Variants in MRPL27 observed in about 807,000 individuals in gnomAD.
MRPL27 encodes large ribosomal subunit protein bL27m.
In MRPL27, 4 loss-of-function variants were observed where a neutral mutation model predicts 14.6. The ratio of observed to expected loss-of-function variants is 0.27; its 90% CI spans 0.14 to 0.63. The LOEUF (loss-of-function observed/expected upper bound fraction) is 0.63. Ranked by LOEUF, MRPL27 falls within the 20% of genes least tolerant of loss-of-function variation. MRPL27 has a pLI of 0.85. For missense variants in MRPL27, 196 were observed against 192.8 expected, an observed-to-expected ratio of 1.02 and a Z score of -0.10; for synonymous variants, 82 against 75.5, an observed-to-expected ratio of 1.09 and a Z score of -0.45.
intron 3 of MRPL27, chr17:50,369,230 G>A (rs1913053332): frequency 4.5e-6 from 1 of 223,386 alleles, no homozygotes; most frequent in Non-Finnish European, 8.7e-6. Flanking sequence ...AAATGTGTTA[G>A]CTTTGATTAT....
intron 3 of MRPL27, chr17:50,369,546 C>T (rs7212696): frequency 0.058 from 11,997 of 205,370 alleles, 1,152 homozygotes; most frequent in African/African-American, 0.22. Context: ...ATGAACCTAA[C>T]TCCTGGCACA....
chr17:50,368,217 G>A lies in MRPL27; in HGVS notation c.322C>T (p.Pro108Ser), dbSNP rs1913018613. ...RYTKEVYVPH[P>S]RNTEAVDLIT... ...AGATCCACAGCCTCCGTGTTTCTGGGATGAGGCACGTAGACCTCCTTAGTG... is the reference window on the plus strand; with the variant it reads ...AGATCCACAGCCTCCGTGTTTCTGGAATGAGGCACGTAGACCTCCTTAGTG... The change falls in exon 4 of 4, where the codon CCC becomes TCC. Residue 108 changes from proline to serine, a missense_variant. By Grantham distance (74) the Pro-to-Ser change is moderately conservative. Coordinates refer to ENST00000225969, the MANE Select transcript of MRPL27 (RefSeq NM_016504.3). 6.2e-7 allele frequency: 1 copy of A among 1,614,080 alleles called. No individual in the cohort carries two copies. The highest frequency in any genetic ancestry group is 8.5e-7 in the Non-Finnish European group (1 of 1,180,050).
intron 3 of MRPL27, 55 bp from the exon 4 acceptor site, chr17:50,368,353 C>A: frequency 6.4e-7 from 1 of 1,573,580 alleles, no homozygotes; most frequent in Admixed American, 1.8e-5. Flanking sequence ...TGGTCCGTCC[C>A]AGAATTTTGG....
At position 50,370,051 on chromosome 17, in the gene MRPL27, C is replaced by T. The variant is rs763878672; in HGVS notation, c.221G>A (p.Arg74His). 8.1e-6 allele frequency: 13 copies of T among 1,613,508 alleles called. No individual in the cohort carries two copies. The highest frequency in any genetic ancestry group is 5.0e-5 in the Admixed American group (3 of 59,864). The change falls in exon 3 of 4, where the codon CGC (arginine) becomes CAC (histidine). Residue 74 changes from arginine to histidine, a missense_variant. Coordinates refer to ENST00000225969, the MANE Select transcript of MRPL27 (RefSeq NM_016504.3). Reference sequence around the variant, plus strand: ...ACTCACATGGGCACCTGGGTGCCAGCGGAAATGGCGCTGTGTTGCAATGAT... The same window carrying T: ...ACTCACATGGGCACCTGGGTGCCAGTGGAAATGGCGCTGTGTTGCAATGAT... ...GNIIATQRHF[R>H]WHPGAHVGVG...
At position 50,370,461 on chromosome 17, in the gene MRPL27, T is replaced by C; in HGVS notation, c.166A>G (p.Met56Val). 6.2e-7 allele frequency: 1 copy of C among 1,614,174 alleles called. No homozygotes were observed. The highest frequency in any genetic ancestry group is 8.5e-7 in the Non-Finnish European group (1 of 1,180,014). ...AGCCAAGGCACATCCTCACCTTCCA[T>C]TTTCTTAATGCCTTGGCGTCTGCCT... ...SSGRRQGIKK[M>V]EGHYVHAGNI... Residue 56 changes from methionine (M) to valine (V), a missense_variant, in exon 2 of 4, where the codon ATG becomes GTG. Physicochemically the swap from Met to Val is conservative, Grantham distance 21. Coordinates refer to ENST00000225969, the MANE Select transcript of MRPL27 (RefSeq NM_016504.3).
At chr17:50,372,701 G>A (rs190665343) in intron 1 of MRPL27, among the ~76,000 whole-genome samples, 1 of 152,308 alleles carries the variant, frequency 6.6e-6, no homozygotes, top group Non-Finnish European at 1.5e-5. Context: ...ATGCACCAGA[G>A]AGAACCGTTC....
intron 1 of MRPL27, chr17:50,372,753 C>G (rs536905207): frequency 3.8e-6 from 1 of 263,002 alleles, no homozygotes; most frequent in African/African-American, 2.2e-5. Flanking sequence ...GCTGATTTTC[C>G]GAACACCTAC....
At chr17:50,370,804 A>G in intron 1 of MRPL27, 1 of 520,954 alleles carries the variant, frequency 1.9e-6, no homozygotes. Context: ...ACACAAATGG[A>G]AAAAAATAAA....
chr17:50,368,475 T>C (rs1253992234), intron 3 of MRPL27, 177 bp from the exon 4 acceptor site: 5 of 647,544 alleles, frequency 7.7e-6, no homozygotes, highest in Non-Finnish European at 1.3e-5. Context: ...GCTTCTTTAT[T>C]GACTCATAAC....
chr17:50,368,034 G>C lies in MRPL27; in HGVS notation c.*58C>G. ...TCGCCACCCCAACCCTTGACTTCTGGTATCACCATCTCCTGTCACCTGGGC... is the reference window on the plus strand; with the variant it reads ...TCGCCACCCCAACCCTTGACTTCTGCTATCACCATCTCCTGTCACCTGGGC... On this transcript the variant is annotated 3_prime_UTR_variant, in exon 4 of 4. Coordinates refer to ENST00000225969, the MANE Select transcript of MRPL27 (RefSeq NM_016504.3). 6.3e-7 allele frequency: 1 copy of C among 1,590,072 alleles called. No homozygotes were observed. The highest frequency in any genetic ancestry group is 8.6e-7 in the Non-Finnish European group (1 of 1,161,384).
At position 50,368,140 on chromosome 17, in the gene MRPL27, C is replaced by G; in HGVS notation, c.399G>C (p.Val133=). The change falls in exon 4 of 4, where the codon GTG becomes GTC. Residue 133 remains valine (V), a synonymous_variant. Transcript: ENST00000225969. ...GAVLYKTFVH[V]VPAKPEGTFK... Reference sequence around the variant, plus strand: ...AGGTGCCCTCAGGCTTGGCAGGAACCACGTGGACAAAAGTCTTGTAGAGCA... The same window carrying G: ...AGGTGCCCTCAGGCTTGGCAGGAACGACGTGGACAAAAGTCTTGTAGAGCA... 6.2e-7 allele frequency: 1 copy of G among 1,614,216 alleles called. No individual in the cohort carries two copies. The highest frequency in any genetic ancestry group is 8.5e-7 in the Non-Finnish European group (1 of 1,180,030).
chr17:50,369,971 T>C (rs1246549692), intron 3 of MRPL27, 61 bp downstream of exon 3: 4 of 1,555,380 alleles, frequency 2.6e-6, no homozygotes, highest in Non-Finnish European at 3.5e-6. Flanking sequence ...TTACCATGCT[T>C]AGGGGCAAGG....
chr17:50,372,342 C>G (rs1044320342), intron 1 of MRPL27, among the ~76,000 whole-genome samples: 2 of 151,980 alleles, frequency 1.3e-5, no homozygotes, highest in Non-Finnish European at 1.5e-5. Flanking sequence ...ACCTCCCGAG[C>G]TCAGGTGATC....
At chr17:50,370,209 T>A in intron 2 of MRPL27, 110 bp from the exon 3 acceptor site, 1 of 1,220,982 alleles carries the variant, frequency 8.2e-7, no homozygotes, top group South Asian at 1.5e-5. Context: ...CAAAAACAAC[T>A]CCCAGACAGT....
chr17:50,368,011 G>A lies in MRPL27; in HGVS notation c.*81C>T, dbSNP rs747982334. The A allele has an allele frequency of 4.5e-5, 68 of 1,500,698 alleles. No homozygotes were observed. Among genetic ancestry groups the A allele is most frequent in the Non-Finnish European group, 5.9e-5 (64 of 1,092,632 alleles). The allele number at this position is 1,500,698 out of a possible 1,614,324, so 93.0% of individuals were successfully genotyped here. On this transcript the variant is annotated 3_prime_UTR_variant, in exon 4 of 4. Transcript: ENST00000225969. ...GACCTCTTCCTCGGGAGGCCGTGTC[G>A]CCACCCCAACCCTTGACTTCTGGTA...
chr17:50,368,806 CT>C (rs1913039770), intron 3 of MRPL27: 1 of 701,006 alleles, frequency 1.4e-6, no homozygotes, highest in Non-Finnish European at 2.6e-6. Flanking sequence ...CATGTAAGCC[CT>C]TTAATACACA....
intron 2 of MRPL27, 60 bp from the exon 3 acceptor site, chr17:50,370,159 G>T: frequency 6.6e-7 from 1 of 1,511,202 alleles, no homozygotes; most frequent in Non-Finnish European, 9.0e-7. Flanking sequence ...AAACATGATG[G>T]CCCAAATGCT....
intron 3 of MRPL27, chr17:50,368,612 A>G (rs1913033496): frequency 1.7e-6 from 1 of 592,634 alleles, no homozygotes; most frequent in Non-Finnish European, 3.0e-6. Flanking sequence ...ACCCAGGAAG[A>G]TGCCCTAAAT....
At chr17:50,368,517 C>T in intron 3 of MRPL27, 1 of 606,670 alleles carries the variant, frequency 1.6e-6, no homozygotes, top group Non-Finnish European at 2.9e-6. Flanking sequence ...CAACAGCCAA[C>T]ATGGGCCACT....
Sources: gnomAD v4.1 joint callset for allele counts (sites outside exome capture counted in the v4.1 genomes callset) on GRCh38, gnomAD v4.1.1 for gene constraint, MANE v1.5 for transcripts, NCBI Gene and HGNC (gene_info 2026-07-23, HGNC 2026-07-21) for gene names.